The following VRK3 variants were observed in gnomAD, a reference collection of about 807,000 sequenced individuals.
The protein encoded by VRK3 is serine/threonine-protein kinase VRK3.
Under a neutral mutation model 60.4 loss-of-function variants are expected in VRK3, and 50 were observed. The ratio of observed to expected loss-of-function variants is 0.83; its 90% CI spans 0.66 to 1.05. The LOEUF is 1.05. Ranked by LOEUF, VRK3 falls within the 50% of genes least tolerant of loss-of-function variation. The probability of loss-of-function intolerance (pLI) is 0.00; values close to 1 mark genes in which losing one functional copy is unlikely to be tolerated. For missense variants in VRK3, 549 were observed against 585.3 expected, an observed-to-expected ratio of 0.94 and a Z score of 0.64; for synonymous variants, 246 against 227.8, an observed-to-expected ratio of 1.08 and a Z score of -0.72.
At chr19:50,009,945 C>G (rs1402667323) in intron 3 of VRK3, among the ~76,000 whole-genome samples, 1 of 151,970 alleles carries the variant, frequency 6.6e-6, no homozygotes, top group Non-Finnish European at 1.5e-5. Flanking sequence ...CTGGCCTCTT[C>G]CATGTAATTT....
intron 3 of VRK3, among the ~76,000 whole-genome samples, chr19:50,010,156 C>T (rs957292571): frequency 3.3e-5 from 5 of 152,080 alleles, no homozygotes; most frequent in Non-Finnish European, 5.9e-5. Context: ...TATACATATA[C>T]ACACATACAA....
chr19:49,989,592 A>G (rs200413346), intron 11 of VRK3, 47 bp downstream of exon 11: 24 of 1,566,908 alleles, frequency 1.5e-5, no homozygotes, highest in Non-Finnish European at 1.7e-5. Context: ...CTGCCCTTGT[A>G]TAAGAAGCAT....
chr19:50,007,018 C>T (rs1431161523), intron 5 of VRK3, among the ~76,000 whole-genome samples: 1 of 152,104 alleles, frequency 6.6e-6, no homozygotes, highest in Non-Finnish European at 1.5e-5. Context: ...AGCCCCACCC[C>T]CAAGCACGAT....
intron 2 of VRK3, among the ~76,000 whole-genome samples, chr19:50,019,715 C>CTTTTTTTTTTTTTTTTTTTTTTTTT (rs1225686835): frequency 9.9e-5 from 5 of 50,328 alleles, no homozygotes; most frequent in Non-Finnish European, 1.2e-4. Flanking sequence ...TTTTTTTTTA[C>CTTTTTTTTTTTTTTTTTTTTTTTTT]TTTTTGTAGA....
At chr19:50,012,074 C>T (rs544822881) in intron 3 of VRK3, among the ~76,000 whole-genome samples, 12 of 151,958 alleles carry the variant, frequency 7.9e-5, no homozygotes, top group African/African-American at 1.7e-4. Flanking sequence ...CGGGTTCAAG[C>T]GATTCTCCTG....
At chr19:50,007,270 C>T (rs571182814) in intron 5 of VRK3, among the ~76,000 whole-genome samples, 2 of 152,224 alleles carry the variant, frequency 1.3e-5, no homozygotes, top group East Asian at 1.9e-4. Flanking sequence ...TGCACTCCCA[C>T]GTGACAATAG....
chr19:50,021,027 C>T (rs1454215833), intron 1 of VRK3, among the ~76,000 whole-genome samples: 5 of 152,312 alleles, frequency 3.3e-5, no homozygotes, highest in Admixed American at 2.6e-4. Context: ...CCAAGGAGGG[C>T]CTCGCCCAGA....
chr19:50,007,323 C>A lies in VRK3; in HGVS notation c.547+246G>T, dbSNP rs987812113. On this transcript the variant is annotated intron_variant, in intron 5 of 14. Coordinates refer to ENST00000316763, the MANE Select transcript of VRK3 (RefSeq NM_016440.4). ...GAGGAGGGGCACACTTCACACAGGG[C>A]ACATGCCAACTGGCCGCAGTCCCCG... Among the ~76,000 whole-genome samples the A allele has an allele frequency of 4.9e-4, 20 of 40,458 alleles. No individual in the cohort carries two copies. The African/African-American group carries it at 6.8e-3, about 14-fold the overall frequency. 26.5% of individuals were successfully genotyped at this position (40,458 alleles called of 152,430 possible).
At chr19:49,977,046 G>C (rs2076342265) in intron 14 of VRK3, among the ~76,000 whole-genome samples, 1 of 152,160 alleles carries the variant, frequency 6.6e-6, no homozygotes, top group Admixed American at 6.5e-5. Context: ...TGAGCAAGTG[G>C]GTGGGGAGGC....
At chr19:49,989,922 G>A (rs1600667775) in intron 10 of VRK3, 151 bp from the exon 11 acceptor site, 1 of 966,484 alleles carries the variant, frequency 1.0e-6, no homozygotes, top group East Asian at 2.9e-5. Flanking sequence ...AAAATGATGT[G>A]AAGTAAAAAG....
At chr19:50,024,191 G>C (rs899827309) in intron 1 of VRK3, among the ~76,000 whole-genome samples, 2 of 152,180 alleles carry the variant, frequency 1.3e-5, no homozygotes, top group African/African-American at 4.8e-5. Flanking sequence ...GCCCACCTCG[G>C]TCTCCTAAAG....
At chr19:50,009,830 G>A (rs944729342) in intron 3 of VRK3, among the ~76,000 whole-genome samples, 1 of 152,036 alleles carries the variant, frequency 6.6e-6, no homozygotes, top group African/African-American at 2.4e-5. Context: ...TAGTAGAGAT[G>A]GGGTTTCACC....
At chr19:49,983,203 C>T (rs2123022210) in intron 12 of VRK3, among the ~76,000 whole-genome samples, 1 of 152,160 alleles carries the variant, frequency 6.6e-6, no homozygotes, top group Admixed American at 6.5e-5. Flanking sequence ...TCCTTCCTCC[C>T]ATTGCATGTC....
At chr19:49,983,753 A>G (rs2076463859) in intron 12 of VRK3, among the ~76,000 whole-genome samples, 2 of 152,266 alleles carry the variant, frequency 1.3e-5, no homozygotes. Context: ...CATGTATACC[A>G]GTAAACCGTC....
At chr19:49,977,455 C>T (rs2076349790) in intron 14 of VRK3, among the ~76,000 whole-genome samples, 1 of 152,050 alleles carries the variant, frequency 6.6e-6, no homozygotes, top group Admixed American at 6.6e-5. Context: ...TTCTAAATGC[C>T]CTTTGCCCTG....
intron 1 of VRK3, among the ~76,000 whole-genome samples, chr19:50,021,555 T>C (rs1600731270): frequency 6.6e-6 from 1 of 152,124 alleles, no homozygotes; most frequent in South Asian, 2.1e-4. Flanking sequence ...AGCTGCTGGG[T>C]GAGTGGGCAA....
chr19:50,007,529 G>A (rs1235779108), intron 5 of VRK3, 40 bp downstream of exon 5: 3 of 1,608,538 alleles, frequency 1.9e-6, no homozygotes, highest in Non-Finnish European at 2.6e-6. Context: ...TCCTGGTGCT[G>A]AGACGACCCA....
At chr19:50,015,956 T>G in intron 3 of VRK3, 68 bp downstream of exon 3, 1 of 1,600,534 alleles carries the variant, frequency 6.2e-7, no homozygotes, top group South Asian at 1.1e-5. Context: ...GCATCCTCCC[T>G]CCGCAGACAC....
intron 12 of VRK3, among the ~76,000 whole-genome samples, chr19:49,987,209 G>A (rs1287055204): frequency 1.3e-5 from 2 of 152,164 alleles, no homozygotes; most frequent in Non-Finnish European, 2.9e-5. Context: ...TGCATGCCTA[G>A]CACGCCCGCT....
Sources: gnomAD v4.1 joint callset for allele counts (sites outside exome capture counted in the v4.1 genomes callset) on GRCh38, gnomAD v4.1.1 for gene constraint, MANE v1.5 for transcripts, NCBI Gene and HGNC (gene_info 2026-07-23, HGNC 2026-07-21) for gene names.